CFAP46: variants seen among roughly 807,000 people sequenced by gnomAD.
CFAP46 encodes the protein cilia- and flagella-associated protein 46.
Under a neutral mutation model 325.7 loss-of-function variants are expected in CFAP46, and 245 were observed. The observed-to-expected ratio is 0.75, with a 90% CI of 0.68 to 0.84. The LOEUF (loss-of-function observed/expected upper bound fraction) is 0.84, where lower values mean the gene tolerates loss of function less well. Among genes scored for constraint, CFAP46 ranks in the 40% least tolerant of loss-of-function variants. The pLI is 0.00. For synonymous variants in CFAP46, 1,523 were observed against 1,495.9 expected (o/e 1.02, Z -0.42); for missense variants, 3,346 against 3,543.0 (o/e 0.94, Z 1.41).
At chr10:132,855,267 TATAAA>T (rs1253907706) in intron 39 of CFAP46, among the ~76,000 whole-genome samples, 1 of 152,274 alleles carries the variant, frequency 6.6e-6, no homozygotes, top group Non-Finnish European at 1.5e-5. Flanking sequence ...CCGTTTGCAC[TATAAA>T]ATGAGTTTGT....
At chr10:132,927,426 C>T (rs576922854) in intron 9 of CFAP46, among the ~76,000 whole-genome samples, 1 of 152,192 alleles carries the variant, frequency 6.6e-6, no homozygotes, top group East Asian at 1.9e-4. Context: ...AGCAGGTCCT[C>T]GGCGGCAGAC....
chr10:132,815,276 A>C (rs1050795530), intron 50 of CFAP46, among the ~76,000 whole-genome samples: 1 of 152,116 alleles, frequency 6.6e-6, no homozygotes. Flanking sequence ...CGACACGAAC[A>C]CTTTCTTTTG....
chr10:132,941,256 G>T (rs962932552), intron 3 of CFAP46, among the ~76,000 whole-genome samples, 196 bp from the exon 4 acceptor site: 3 of 152,126 alleles, frequency 2.0e-5, no homozygotes, highest in Non-Finnish European at 4.4e-5. Context: ...TTCCCGTCCC[G>T]CAGACACAGC....
chr10:132,901,796 T>C (rs190980739), intron 22 of CFAP46, among the ~76,000 whole-genome samples: 1,704 of 152,354 alleles, frequency 0.011, 37 homozygotes, highest in African/African-American at 0.039. Context: ...TCTTAGCTCT[T>C]ATTAATCTTA....
Position 132,892,275 on chromosome 10 carries a change from C to G in CFAP46, c.3304+58G>C, listed in dbSNP as rs996304586. On this transcript the variant is annotated intron_variant, in intron 25 of 57. Coordinates refer to ENST00000368586, the MANE Select transcript of CFAP46 (RefSeq NM_001200049.3). ...AAAAGCACCACGTTTAAAATTGGCTCAAGTCCTTCCCTTTCCTTGTACCTG... is the reference window on the plus strand; with the variant it reads ...AAAAGCACCACGTTTAAAATTGGCTGAAGTCCTTCCCTTTCCTTGTACCTG... 6.0e-6 allele frequency: 9 copies of G among 1,503,890 alleles called. No homozygotes were observed. In the South Asian group the frequency reaches 9.8e-5, roughly 16 times the overall value. The allele number at this position is 1,503,890 out of a possible 1,614,324, so 93.2% of individuals were successfully genotyped here. A position where few individuals can be genotyped will look rare whatever the true frequency, so the allele number is the denominator to read the frequency against.
intron 44 of CFAP46, among the ~76,000 whole-genome samples, chr10:132,839,459 A>C (rs1285218432): frequency 6.6e-6 from 1 of 152,236 alleles, no homozygotes. Flanking sequence ...CTCTCGGCCC[A>C]CACACACGGA....
rs751901129 is a variant in CFAP46 at position 132,814,857 on chromosome 10, T to C, written c.7175A>G (p.Lys2392Arg). The change falls in exon 51 of 58, where the codon AAG becomes AGG. Residue 2392 changes from lysine to arginine, a missense_variant. Physicochemically the swap from Lys to Arg is conservative, Grantham distance 26. Coordinates refer to ENST00000368586, the MANE Select transcript of CFAP46 (RefSeq NM_001200049.3). Reference sequence around the variant, plus strand: ...GCCCCCACCCACCTTCCTGCCCTTCTTCGCTAGGCTTCTCTTTTTGGGGTC... The same window carrying C: ...GCCCCCACCCACCTTCCTGCCCTTCCTCGCTAGGCTTCTCTTTTTGGGGTC... Reference protein sequence around the residue: ...SRDPKKRSLAKKGRKGSIPRT... With the variant: ...SRDPKKRSLARKGRKGSIPRT... The C allele has an allele frequency of 2.5e-6, 4 of 1,614,192 alleles. No individual in the cohort carries two copies. The highest frequency in any genetic ancestry group is 3.4e-6 in the Non-Finnish European group (4 of 1,180,016).
intron 8 of CFAP46, among the ~76,000 whole-genome samples, chr10:132,933,613 G>A (rs751501473): frequency 1.3e-5 from 2 of 152,296 alleles, no homozygotes; most frequent in African/African-American, 2.4e-5. Context: ...GTGCCCCTGC[G>A]GCCCAGGCTG....
rs116256400 is a variant in CFAP46 at position 132,915,749 on chromosome 10, G to A, written c.2120+800C>T. Among the ~76,000 whole-genome samples, 722 of 152,330 alleles carry A rather than the reference G, an allele frequency of 4.7e-3. 6 individuals carry two copies. The highest frequency in any genetic ancestry group is 0.024 in the Middle Eastern group (7 of 294). ...GGATAAGTTCCCGTGTCCTATGCAC[G>A]GCGAGCGACTATAGTTTACAGGGAT... On this transcript the variant is annotated intron_variant, in intron 17 of 57. Coordinates refer to ENST00000368586, the MANE Select transcript of CFAP46 (RefSeq NM_001200049.3).
rs746342552 is a variant in CFAP46 at position 132,920,121 on chromosome 10, G to A, written c.1668C>T (p.Thr556=). ...GCCCGGCAGCTTTGTCCACGCTGAC[G>A]GTGTGGTGCCACGCCTTCGCACAGA... ...TYLCAKAWHH[T]VSVDKAAGHL... Residue 556 remains threonine (T), a synonymous_variant, in exon 14 of 58, where the codon ACC becomes ACT. Transcript: ENST00000368586. 248 of 1,549,240 alleles carry A rather than the reference G, an allele frequency of 1.6e-4. 2 individuals are homozygous for A. Among genetic ancestry groups the A allele is most frequent in the Middle Eastern group, 3.3e-4 (2 of 6,008 alleles).
At chr10:132,929,516 G>T in intron 9 of CFAP46, 189 bp downstream of exon 9, 1 of 784,062 alleles carries the variant, frequency 1.3e-6, no homozygotes, top group East Asian at 2.4e-5. Context: ...ACGGGCAGGT[G>T]TAAAATTGCA....
intron 6 of CFAP46, 94 bp from the exon 7 acceptor site, chr10:132,937,149 G>C (rs1850020963): frequency 1.4e-6 from 1 of 703,348 alleles, no homozygotes; most frequent in Non-Finnish European, 2.1e-6. Flanking sequence ...CATTAATTTT[G>C]TATCTAGCTT....
intron 16 of CFAP46, 136 bp from the exon 17 acceptor site, chr10:132,916,818 C>T: frequency 2.3e-6 from 3 of 1,277,290 alleles, no homozygotes; most frequent in Non-Finnish European, 3.1e-6. Flanking sequence ...TTGCTGTGCC[C>T]TTTGCAAGCT....
At chr10:132,926,030 G>C (rs931821985) in intron 10 of CFAP46, among the ~76,000 whole-genome samples, 1 of 152,238 alleles carries the variant, frequency 6.6e-6, no homozygotes, top group African/African-American at 2.4e-5. Context: ...TATTACTGAG[G>C]AAGAGTCTAA....
Position 132,886,024 on chromosome 10 carries a change from C to G in CFAP46, c.3305-65G>C. ...TCCCTCATCAAAGGCGCCCTCGGAC[C>G]TCCCAGACTAAGCTGCCCATCACAG... On this transcript the variant is annotated intron_variant, in intron 25 of 57. Transcript: ENST00000368586. The surrounding 1 kb of genome is among the most constrained non-coding windows in gnomAD (Gnocchi z 5.8). 6.5e-7 allele frequency: 1 copy of G among 1,527,584 alleles called. No homozygotes were observed. The allele number at this position is 1,527,584 out of a possible 1,614,324, so 94.6% of individuals were successfully genotyped here. A position where few individuals can be genotyped will look rare whatever the true frequency, so the allele number is the denominator to read the frequency against.
chr10:132,861,244 C>T (rs550795325), intron 35 of CFAP46, among the ~76,000 whole-genome samples: 1 of 152,340 alleles, frequency 6.6e-6, no homozygotes, highest in South Asian at 2.1e-4. Flanking sequence ...GCCTCCCTGC[C>T]CTCCAGAGGT....
chr10:132,860,738 G>A, intron 36 of CFAP46, 44 bp downstream of exon 36: 1 of 1,540,924 alleles, frequency 6.5e-7, no homozygotes, highest in South Asian at 1.2e-5. Context: ...CCAAGCACCT[G>A]GCCCGGCACC....
chr10:132,820,643 T>C (rs1293317908), intron 50 of CFAP46, among the ~76,000 whole-genome samples: 1 of 144,478 alleles, frequency 6.9e-6, no homozygotes, highest in Non-Finnish European at 1.5e-5. Context: ...TGCTGATGTG[T>C]GCTGTGAGTG....
rs1262649997 is a variant in CFAP46, at chr10:132,832,875, G to T, written c.7117+483C>A. The T allele has an allele frequency of 1.1e-5, 5 of 463,802 alleles. No homozygotes were observed. Among genetic ancestry groups the T allele is most frequent in the Non-Finnish European group, 2.3e-5 (5 of 221,436 alleles). 28.7% of individuals were successfully genotyped at this position (463,802 alleles called of 1,614,324 possible). A position where few individuals can be genotyped will look rare whatever the true frequency, so the allele number is the denominator to read the frequency against. The stretch of plus-strand genomic sequence containing the variant: ...CTCCTTTGAAACAGGTATTTGTGGG[G>T]GCAAGAACAGCGTTAAGTTTGTCTT... On this transcript the variant is annotated intron_variant, in intron 50 of 57. Transcript: ENST00000368586. The surrounding 1 kb of genome is among the most constrained non-coding windows in gnomAD (Gnocchi z 4.1).
Sources: allele counts gnomAD v4.1 joint callset (sites outside exome capture counted in the v4.1 genomes callset), GRCh38; gene constraint gnomAD v4.1.1; non-coding constraint Gnocchi (gnomAD v3.1); transcripts MANE v1.5; gene names NCBI Gene and HGNC (gene_info 2026-07-23, HGNC 2026-07-21).